SHISA9: variants seen among roughly 807,000 people sequenced by gnomAD.
SHISA9 encodes the protein protein shisa-9.
Under a neutral mutation model 38.0 loss-of-function variants are expected in SHISA9, and 13 were observed. The observed-to-expected ratio is 0.34, with a 90% confidence interval of 0.22 to 0.54. The LOEUF (loss-of-function observed/expected upper bound fraction) is 0.54. SHISA9 is among the 20% of genes least tolerant of loss of function. The probability of loss-of-function intolerance (pLI) is 0.91; values close to 1 mark genes in which losing one functional copy is unlikely to be tolerated. For synonymous variants in SHISA9, 275 were observed against 242.0 expected, an observed-to-expected ratio of 1.14 and a Z score of -1.27; for missense variants, 538 against 575.8, an observed-to-expected ratio of 0.93 and a Z score of 0.67.
intron 2 of SHISA9, among the ~76,000 whole-genome samples, chr16:13,124,707 A>G (rs1030500130): frequency 6.6e-6 from 1 of 152,206 alleles, no homozygotes; most frequent in African/African-American, 2.4e-5. Context: ...ACATTATCTG[A>G]CTTCAAATTA....
chr16:13,529,995 C>T, the SHISA9 span, among the ~76,000 whole-genome samples: 15 of 152,330 alleles, frequency 9.8e-5, no homozygotes, highest in Non-Finnish European at 8.8e-5. Context: ...GCTTGGCCGC[C>T]TGGGTTTAAA....
chr16:13,467,268 G>C, the SHISA9 span, among the ~76,000 whole-genome samples: 1 of 152,242 alleles, frequency 6.6e-6, no homozygotes, highest in South Asian at 2.1e-4. Flanking sequence ...GGGCCCAGTT[G>C]GGACAACATG....
chr16:13,055,710 C>A (rs779581191), intron 2 of SHISA9, among the ~76,000 whole-genome samples: 4 of 152,210 alleles, frequency 2.6e-5, no homozygotes, highest in Non-Finnish European at 4.4e-5. Context: ...AGGCTGTGTG[C>A]CACCCAGGGA....
intron 2 of SHISA9, among the ~76,000 whole-genome samples, chr16:13,024,453 C>T (rs1193966470): frequency 6.6e-6 from 1 of 152,214 alleles, no homozygotes; most frequent in Non-Finnish European, 1.5e-5. Context: ...TCAGATGCAA[C>T]ACCCTTTTTG....
chr16:13,429,483 C>T, the SHISA9 span, among the ~76,000 whole-genome samples: 25 of 152,286 alleles, frequency 1.6e-4, no homozygotes, highest in South Asian at 1.0e-3. Flanking sequence ...TTCACATCGT[C>T]TTCCTTCTTT....
chr16:13,248,020 A>G, the SHISA9 span, among the ~76,000 whole-genome samples: 180 of 152,340 alleles, frequency 1.2e-3, no homozygotes, highest in African/African-American at 3.8e-3. Flanking sequence ...CTGTCCATGT[A>G]TCAAAGGCAG....
chr16:12,904,013 G>A (rs2071059380), intron 1 of SHISA9, among the ~76,000 whole-genome samples: 1 of 152,086 alleles, frequency 6.6e-6, no homozygotes, highest in Non-Finnish European at 1.5e-5. Flanking sequence ...GGGTCAGCAG[G>A]GAGCTGTGGG....
At chr16:13,226,606 G>C (rs181513731) in intron 4 of SHISA9, among the ~76,000 whole-genome samples, 1 of 152,278 alleles carries the variant, frequency 6.6e-6, no homozygotes. Flanking sequence ...CCAAATCTTA[G>C]TTGCTGAGCA....
At position 13,070,156 on chromosome 16, in the gene SHISA9, A is replaced by G. The variant is rs4780500; in HGVS notation, c.692-133238A>G. ...TGTGTGTGTGTGTGTGTGTGTGTGC[A>G]CGCATGTGTCTGTGGAAACTGCCAA... On this transcript the variant is annotated intron_variant, in intron 2 of 4. Coordinates refer to ENST00000558583, the MANE Select transcript of SHISA9 (RefSeq NM_001145204.3). Among the ~76,000 whole-genome samples the G allele has an allele frequency of 4.2e-3, 616 of 148,090 alleles. 5 individuals are homozygous for G. The highest frequency in any genetic ancestry group is 0.014 in the Middle Eastern group (4 of 290).
At chr16:13,118,920 C>T (rs1821916) in intron 2 of SHISA9, among the ~76,000 whole-genome samples, 4,657 of 151,798 alleles carry the variant, frequency 0.031, 103 homozygotes, top group East Asian at 0.11. Context: ...TTAGTAGAGA[C>T]GGGGTTTCTC....
At chr16:13,314,675 T>C in the SHISA9 span, among the ~76,000 whole-genome samples, 1 of 152,184 alleles carries the variant, frequency 6.6e-6, no homozygotes, top group African/African-American at 2.4e-5. Flanking sequence ...ACAATCAACA[T>C]CATAGATACA....
the SHISA9 span, among the ~76,000 whole-genome samples, chr16:13,521,374 C>T: frequency 6.6e-6 from 1 of 152,178 alleles, no homozygotes; most frequent in Non-Finnish European, 1.5e-5. Flanking sequence ...TTTCCAAAAC[C>T]CCTATACTTT....
chr16:13,252,684 A>G, the SHISA9 span, among the ~76,000 whole-genome samples: 1 of 152,116 alleles, frequency 6.6e-6, no homozygotes, highest in East Asian at 1.9e-4. Context: ...CATTTCTACC[A>G]TATTATATAA....
At chr16:13,085,700 A>C (rs538243892) in intron 2 of SHISA9, among the ~76,000 whole-genome samples, 12 of 152,222 alleles carry the variant, frequency 7.9e-5, no homozygotes, top group Non-Finnish European at 1.6e-4. Context: ...GTGTGATCTA[A>C]TCTAGGGCTA....
rs1596761170 is a variant in SHISA9, at chr16:13,238,642, A to G, written c.*3233A>G. 1 of 152,096 alleles carries G rather than the reference A, an allele frequency of 6.6e-6. No individual in the cohort carries two copies. The highest frequency in any genetic ancestry group is 6.6e-5 in the Admixed American group (1 of 15,260). The allele number at this position is 152,096 out of a possible 1,614,324, so 9.4% of individuals were successfully genotyped here. The stretch of plus-strand genomic sequence containing the variant: ...GACTGGTCATTAAGATGTAGCCACA[A>G]TGATGGCCCAAGAAGGACACGTACT... On this transcript the variant is annotated 3_prime_UTR_variant, in exon 5 of 5. Transcript: ENST00000558583.
intron 2 of SHISA9, among the ~76,000 whole-genome samples, chr16:13,017,124 A>T (rs1387088553): frequency 6.7e-6 from 1 of 150,348 alleles, no homozygotes; most frequent in African/African-American, 2.5e-5. Context: ...GGTTTAAGTG[A>T]TTCTCCTGCT....
intron 2 of SHISA9, among the ~76,000 whole-genome samples, chr16:13,106,247 A>G (rs761559104): frequency 1.1e-4 from 16 of 152,192 alleles, no homozygotes; most frequent in Non-Finnish European, 2.4e-4. Flanking sequence ...ATGCTGGTAC[A>G]TCTGCCTCCC....
the SHISA9 span, among the ~76,000 whole-genome samples, chr16:13,417,764 C>T: frequency 6.6e-6 from 1 of 152,176 alleles, no homozygotes; most frequent in African/African-American, 2.4e-5. Context: ...CAAGGAACAG[C>T]TCACTGTAGC....
At chr16:13,467,985 A>G in the SHISA9 span, among the ~76,000 whole-genome samples, 1 of 152,228 alleles carries the variant, frequency 6.6e-6, no homozygotes, top group Non-Finnish European at 1.5e-5. Context: ...TCCTTTCAAA[A>G]GAACTGAAAA....
Sources: gnomAD v4.1 joint callset for allele counts (sites outside exome capture counted in the v4.1 genomes callset) on GRCh38, gnomAD v4.1.1 for gene constraint, MANE v1.5 for transcripts, NCBI Gene and HGNC (gene_info 2026-07-23, HGNC 2026-07-21) for gene names.